Variants in RASEF observed in about 807,000 individuals in gnomAD.
The protein encoded by RASEF is ras and EF-hand domain-containing protein.
In RASEF, 68 loss-of-function variants were observed where a neutral mutation model predicts 90.1. The ratio of observed to expected loss-of-function variants is 0.75; its 90% CI spans 0.62 to 0.92. The LOEUF (loss-of-function observed/expected upper bound fraction) is 0.92. RASEF is among the 40% of genes least tolerant of loss of function. The pLI, the probability that RASEF is intolerant of heterozygous loss-of-function variation, is 0.00. For missense variants in RASEF, 949 were observed against 937.2 expected, an observed-to-expected ratio of 1.01 and a Z score of -0.16; for synonymous variants, 331 against 345.2, an observed-to-expected ratio of 0.96 and a Z score of 0.46.
intron 15 of RASEF, among the ~76,000 whole-genome samples, chr9:82,991,326 T>C (rs1828810219): frequency 6.6e-6 from 1 of 152,188 alleles, no homozygotes; most frequent in African/African-American, 2.4e-5. Flanking sequence ...CCTGAAAAGT[T>C]TGTATTAGGA....
the RASEF span, among the ~76,000 whole-genome samples, chr9:83,191,812 T>G: frequency 5.3e-5 from 8 of 152,328 alleles, no homozygotes; most frequent in East Asian, 1.5e-3. Context: ...TTTGGAGATA[T>G]TAACGTTAGG....
At chr9:83,088,192 A>C in the RASEF span, among the ~76,000 whole-genome samples, 11 of 152,186 alleles carry the variant, frequency 7.2e-5, no homozygotes, top group Non-Finnish European at 8.8e-5. Context: ...CCATTTGAGA[A>C]GAATGTGTAT....
the RASEF span, among the ~76,000 whole-genome samples, chr9:83,086,935 C>T: frequency 6.6e-6 from 1 of 152,114 alleles, no homozygotes; most frequent in Admixed American, 6.5e-5. Flanking sequence ...AACGCTAACA[C>T]AATGTTGGAA....
intron 14 of RASEF, among the ~76,000 whole-genome samples, chr9:82,994,343 T>G (rs946096444): frequency 6.6e-6 from 1 of 152,234 alleles, no homozygotes; most frequent in African/African-American, 2.4e-5. Context: ...GGCATCTAAA[T>G]GACTTCTCAA....
chr9:83,121,976 G>A, the RASEF span, among the ~76,000 whole-genome samples: 4 of 152,198 alleles, frequency 2.6e-5, no homozygotes, highest in Non-Finnish European at 5.9e-5. Flanking sequence ...CACTTACATT[G>A]TAGAGTTGTT....
chr9:83,139,873 A>C, the RASEF span, among the ~76,000 whole-genome samples: 1 of 152,216 alleles, frequency 6.6e-6, no homozygotes, highest in Non-Finnish European at 1.5e-5. Context: ...CAAATACTAA[A>C]TTGGTTAGCA....
chr9:83,107,493 C>T, the RASEF span, among the ~76,000 whole-genome samples: 1 of 152,158 alleles, frequency 6.6e-6, no homozygotes, highest in Non-Finnish European at 1.5e-5. Context: ...CTGGACAAAA[C>T]CTCTGTTTTC....
At chr9:83,125,507 C>A in the RASEF span, among the ~76,000 whole-genome samples, 2 of 152,208 alleles carry the variant, frequency 1.3e-5, no homozygotes. Flanking sequence ...AATAACTGCA[C>A]AGGGATCTCA....
chr9:83,188,873 T>G, the RASEF span, among the ~76,000 whole-genome samples: 1,331 of 152,288 alleles, frequency 8.7e-3, 20 homozygotes, highest in African/African-American at 0.031. Flanking sequence ...GTCTTCCATA[T>G]CTGTCTGTGG....
chr9:83,043,946 C>T (rs1829884645), intron 1 of RASEF, among the ~76,000 whole-genome samples: 1 of 152,130 alleles, frequency 6.6e-6, no homozygotes, highest in Non-Finnish European at 1.5e-5. Context: ...CACCAGTGCC[C>T]GCTGAGCTGC....
At chr9:83,147,169 G>A in the RASEF span, among the ~76,000 whole-genome samples, 1 of 151,698 alleles carries the variant, frequency 6.6e-6, no homozygotes, top group Non-Finnish European at 1.5e-5. Context: ...GTAACAGAAA[G>A]CATTTTCAGA....
chr9:83,166,082 G>T, the RASEF span, among the ~76,000 whole-genome samples: 85,118 of 151,924 alleles, frequency 0.56, 24,390 homozygotes, highest in African/African-American at 0.67. Flanking sequence ...ACCAAACATT[G>T]AACAGAGAAA....
chr9:83,212,308 C>T, the RASEF span, among the ~76,000 whole-genome samples: 1 of 152,184 alleles, frequency 6.6e-6, no homozygotes, highest in Non-Finnish European at 1.5e-5. Context: ...GATATATTAC[C>T]TCTCACTTTT....
rs1303177568 is a variant in RASEF, at chr9:83,052,332, A to G, written c.431+10105T>C. Among the ~76,000 whole-genome samples the G allele has an allele frequency of 9.8e-5, 13 of 132,640 alleles. 1 individual carries two copies. In the Middle Eastern group the frequency reaches 0.012, roughly 120 times the overall value. The allele number at this position is 132,640 out of a possible 152,430, so 87.0% of individuals were successfully genotyped here. Reference sequence around the variant, plus strand: ...TCTAGATTTTCTAGTTTATTTGCGTAGAGGTGTTTGTAGTATTCTCTGATG... The same window carrying G: ...TCTAGATTTTCTAGTTTATTTGCGTGGAGGTGTTTGTAGTATTCTCTGATG... On this transcript the variant is annotated intron_variant, in intron 1 of 16. Transcript: ENST00000376447.
At chr9:83,076,428 TAAG>T in the RASEF span, among the ~76,000 whole-genome samples, 4,483 of 103,416 alleles carry the variant, frequency 0.043, 86 homozygotes, top group African/African-American at 0.061. Flanking sequence ...AAGGTCTAGT[TAAG>T]AAAAAAAAAA....
At chr9:83,122,899 G>A in the RASEF span, among the ~76,000 whole-genome samples, 3 of 152,254 alleles carry the variant, frequency 2.0e-5, no homozygotes, top group Admixed American at 2.0e-4. Context: ...TCTAGGTAGT[G>A]GCAATATTCT....
At chr9:83,191,216 T>C in the RASEF span, among the ~76,000 whole-genome samples, 5 of 152,204 alleles carry the variant, frequency 3.3e-5, no homozygotes, top group Admixed American at 6.5e-5. Context: ...AAACCTATCC[T>C]GGGAAGCTGT....
At chr9:83,018,832 C>G (rs1259482874) in intron 3 of RASEF, among the ~76,000 whole-genome samples, 8 of 151,960 alleles carry the variant, frequency 5.3e-5, no homozygotes, top group Admixed American at 3.9e-4. Context: ...ATCAATGGAA[C>G]AGAACAGAGA....
At chr9:82,994,191 G>C (rs1326895800) in intron 14 of RASEF, among the ~76,000 whole-genome samples, 2 of 152,290 alleles carry the variant, frequency 1.3e-5, no homozygotes, top group Admixed American at 6.5e-5. Flanking sequence ...TCAAAGGAAA[G>C]GGAATGAATG....
Sources: gnomAD v4.1 joint callset for allele counts (sites outside exome capture counted in the v4.1 genomes callset) on GRCh38, gnomAD v4.1.1 for gene constraint, MANE v1.5 for transcripts, NCBI Gene and HGNC (gene_info 2026-07-23, HGNC 2026-07-21) for gene names.